FOLH1: variants seen among roughly 807,000 people sequenced by gnomAD.
FOLH1 encodes the protein glutamate carboxypeptidase 2.
Under a neutral mutation model 93.9 loss-of-function variants are expected in FOLH1, and 54 were observed. The ratio of observed to expected loss-of-function variants is 0.57; its 90% CI spans 0.46 to 0.72. The LOEUF is 0.72. FOLH1 is among the 30% of genes least tolerant of loss of function. The pLI, the probability that FOLH1 is intolerant of heterozygous loss-of-function variation, is 0.00. For missense variants in FOLH1, 571 were observed against 892.5 expected (o/e 0.64, Z 4.59); for synonymous variants, 249 against 303.6 (o/e 0.82, Z 1.87).
chr11:49,148,014 A>G (rs143731553), intron 18 of FOLH1, among the ~76,000 whole-genome samples: 73 of 151,680 alleles, frequency 4.8e-4, no homozygotes, highest in Non-Finnish European at 8.1e-4. Context: ...AGATGCTCTT[A>G]CTCCCAAGCC....
intron 3 of FOLH1, among the ~76,000 whole-genome samples, chr11:49,199,837 G>A (rs2135308199): frequency 6.6e-6 from 1 of 152,108 alleles, no homozygotes; most frequent in Non-Finnish European, 1.5e-5. Context: ...CTTGAACATG[G>A]GAGGTGGAGG....
intron 17 of FOLH1, among the ~76,000 whole-genome samples, chr11:49,150,438 C>T (rs1273815676): frequency 6.6e-6 from 1 of 152,048 alleles, no homozygotes; most frequent in South Asian, 2.1e-4. Context: ...CAAATATAGG[C>T]AAGATTTTCT....
chr11:49,159,586 A>C (rs1353622696), intron 13 of FOLH1, among the ~76,000 whole-genome samples: 1 of 151,934 alleles, frequency 6.6e-6, no homozygotes, highest in Non-Finnish European at 1.5e-5. Context: ...ACTGGCCTGA[A>C]TTTTTGTTGC....
chr11:49,188,176 T>A (rs80083111), intron 4 of FOLH1, among the ~76,000 whole-genome samples: 1 of 152,212 alleles, frequency 6.6e-6, no homozygotes, highest in Non-Finnish European at 1.5e-5. Context: ...TTTTAAAAAA[T>A]TTATTTTTGT....
intron 11 of FOLH1, 80 bp downstream of exon 11, chr11:49,171,115 C>T (rs10839236): frequency 0.57 from 810,429 of 1,419,152 alleles, 237,145 homozygotes; most frequent in Middle Eastern, 0.66. Context: ...ATATTCACTT[C>T]TTATTTTTAT....
chr11:49,151,094 G>A (rs1280400677), intron 17 of FOLH1, among the ~76,000 whole-genome samples: 1 of 152,186 alleles, frequency 6.6e-6, no homozygotes, highest in East Asian at 1.9e-4. Flanking sequence ...AAGTTTTAGA[G>A]TGAAATAGGA....
At chr11:49,165,081 C>T (rs1858210296) in intron 12 of FOLH1, among the ~76,000 whole-genome samples, 1 of 152,174 alleles carries the variant, frequency 6.6e-6, no homozygotes, top group Non-Finnish European at 1.5e-5. Flanking sequence ...ATCTGCATGA[C>T]TTACTCCTCC....
Position 49,145,325 on chromosome 11 carries a change from C to A in FOLH1, c.*1431G>T, listed in dbSNP as rs774589112. 6.6e-6 allele frequency among the ~76,000 whole-genome samples: 1 copy of A among 152,088 alleles called. No homozygotes were observed. The highest frequency in any genetic ancestry group is 1.5e-5 in the Non-Finnish European group (1 of 68,012). The stretch of plus-strand genomic sequence containing the variant: ...GCACCCTTGGCAAACTCTGGCAATG[C>A]AAATGACATCTCCAGCATCTGACAC... On this transcript the variant is annotated 3_prime_UTR_variant, in exon 19 of 19. Coordinates refer to ENST00000256999, the MANE Select transcript of FOLH1 (RefSeq NM_004476.3).
chr11:49,154,953 C>G (rs1856855908), intron 15 of FOLH1, among the ~76,000 whole-genome samples: 1 of 151,920 alleles, frequency 6.6e-6, no homozygotes, highest in South Asian at 2.1e-4. Context: ...AAGCAGTGTA[C>G]TGAAGGCTGG....
At chr11:49,205,118 C>A (rs569037374) in intron 2 of FOLH1, among the ~76,000 whole-genome samples, 3 of 152,034 alleles carry the variant, frequency 2.0e-5, no homozygotes, top group South Asian at 2.1e-4. Flanking sequence ...GCATGAGAAT[C>A]GCTTGTACCT....
At chr11:49,160,036 C>G (rs1857517916) in intron 13 of FOLH1, among the ~76,000 whole-genome samples, 1 of 151,996 alleles carries the variant, frequency 6.6e-6, no homozygotes, top group Non-Finnish European at 1.5e-5. Context: ...CTTCAGCCTC[C>G]CGAGCAGCTG....
At chr11:49,205,242 A>G (rs1565221585) in intron 2 of FOLH1, among the ~76,000 whole-genome samples, 1 of 152,004 alleles carries the variant, frequency 6.6e-6, no homozygotes, top group Admixed American at 6.6e-5. Flanking sequence ...AAAAAAAAAC[A>G]AGTATTCTAA....
chr11:49,195,032 G>A (rs1278487227), intron 3 of FOLH1, among the ~76,000 whole-genome samples: 2 of 152,000 alleles, frequency 1.3e-5, no homozygotes, highest in Non-Finnish European at 2.9e-5. Flanking sequence ...TAAGGATAAT[G>A]GAGATTTCAG....
chr11:49,146,222 G>A lies in FOLH1; in HGVS notation c.*534C>T, dbSNP rs1855769470. ...TACTATACATATATTTTATACTATA[G>A]CCTTTTATATAAATAAAAAATAATT... On this transcript the variant is annotated 3_prime_UTR_variant, in exon 19 of 19. Coordinates refer to ENST00000256999, the MANE Select transcript of FOLH1 (RefSeq NM_004476.3). Among the ~76,000 whole-genome samples the A allele has an allele frequency of 6.6e-6, 1 of 152,120 alleles. No individual in the cohort carries two copies. The highest frequency in any genetic ancestry group is 1.5e-5 in the Non-Finnish European group (1 of 68,032).
intron 4 of FOLH1, among the ~76,000 whole-genome samples, chr11:49,192,525 C>A (rs1208481630): frequency 6.6e-6 from 1 of 152,170 alleles, no homozygotes; most frequent in African/African-American, 2.4e-5. Context: ...GGATTTGGAT[C>A]ACCCAGATGT....
chr11:49,205,294 G>A (rs537058771), intron 2 of FOLH1, among the ~76,000 whole-genome samples: 19 of 152,106 alleles, frequency 1.2e-4, no homozygotes, highest in African/African-American at 4.1e-4. Context: ...TTTCTTTTTG[G>A]TTGCTTTTTA....
At chr11:49,188,029 G>A (rs990913499) in intron 4 of FOLH1, among the ~76,000 whole-genome samples, 2 of 152,172 alleles carry the variant, frequency 1.3e-5, no homozygotes, top group African/African-American at 2.4e-5. Flanking sequence ...TTGATCCCAA[G>A]AGAACACTCC....
At chr11:49,176,806 C>T (rs1397963485) in intron 7 of FOLH1, among the ~76,000 whole-genome samples, 3 of 131,716 alleles carry the variant, frequency 2.3e-5, no homozygotes, top group Admixed American at 1.4e-4. Context: ...GGGCCTACCA[C>T]GGGCATTTTG....
At chr11:49,152,326 C>T (rs1280451702) in intron 17 of FOLH1, among the ~76,000 whole-genome samples, 1 of 152,122 alleles carries the variant, frequency 6.6e-6, no homozygotes, top group Admixed American at 6.6e-5. Flanking sequence ...AAGCACAGGA[C>T]TCTGTGACAG....
Sources: allele counts gnomAD v4.1 joint callset (sites outside exome capture counted in the v4.1 genomes callset), GRCh38; gene constraint gnomAD v4.1.1; transcripts MANE v1.5; gene names NCBI Gene and HGNC (gene_info 2026-07-23, HGNC 2026-07-21).